CLVS1: variants seen among roughly 807,000 people sequenced by gnomAD.
CLVS1 encodes clavesin 1, also known as clavesin-1.
Under a neutral mutation model 33.1 loss-of-function variants are expected in CLVS1, and 10 were observed. The observed-to-expected ratio is 0.30, with a 90% CI of 0.19 to 0.51. The LOEUF (loss-of-function observed/expected upper bound fraction) is 0.51, where lower values mean the gene tolerates loss of function less well. CLVS1 is among the 20% of genes least tolerant of loss of function. The probability of loss-of-function intolerance (pLI) is 0.97; values close to 1 mark genes in which losing one functional copy is unlikely to be tolerated. For missense variants in CLVS1, 343 were observed against 433.4 expected (o/e 0.79, Z 1.85); for synonymous variants, 163 against 166.1 (o/e 0.98, Z 0.14).
At chr8:61,043,346 A>G in the CLVS1 span, among the ~76,000 whole-genome samples, 1 of 152,240 alleles carries the variant, frequency 6.6e-6, no homozygotes, top group Non-Finnish European at 1.5e-5. Flanking sequence ...TATCCTGGAA[A>G]GAATGGCAGA....
intron 2 of CLVS1, among the ~76,000 whole-genome samples, chr8:61,203,812 T>A (rs1248220813): frequency 6.6e-6 from 1 of 152,204 alleles, no homozygotes; most frequent in Non-Finnish European, 1.5e-5. Context: ...ATTGCTAGCA[T>A]CTCATATGAG....
At chr8:61,429,915 G>A (rs934402118) in intron 3 of CLVS1, among the ~76,000 whole-genome samples, 3 of 151,970 alleles carry the variant, frequency 2.0e-5, no homozygotes, top group Non-Finnish European at 4.4e-5. Flanking sequence ...CTCTCTTTTG[G>A]CCCTTAAATT....
upstream of CLVS1, among the ~76,000 whole-genome samples, chr8:61,054,934 T>A (rs1399580282): frequency 6.6e-6 from 1 of 152,140 alleles, no homozygotes; most frequent in Admixed American, 6.5e-5. Context: ...TTGGTATAAA[T>A]CCCTTTTGTC....
At chr8:61,279,877 GATTA>G (rs1809635937) in intron 2 of CLVS1, among the ~76,000 whole-genome samples, 1 of 152,086 alleles carries the variant, frequency 6.6e-6, no homozygotes, top group Non-Finnish European at 1.5e-5. Flanking sequence ...CTTTGAAATT[GATTA>G]ATTGTCATTA....
intron 1 of CLVS1, among the ~76,000 whole-genome samples, chr8:61,095,170 C>T (rs1275739726): frequency 6.6e-6 from 1 of 152,192 alleles, no homozygotes; most frequent in Non-Finnish European, 1.5e-5. Flanking sequence ...ACTCGCCCTA[C>T]CTAGTTATCT....
At chr8:61,183,159 G>T (rs1183728208) in intron 2 of CLVS1, among the ~76,000 whole-genome samples, 1 of 150,384 alleles carries the variant, frequency 6.6e-6, no homozygotes, top group Non-Finnish European at 1.5e-5. Context: ...GGGCGGAGGG[G>T]GGCAGGCACA....
At chr8:61,071,922 A>T (rs1804803445) in intron 1 of CLVS1, among the ~76,000 whole-genome samples, 2 of 152,176 alleles carry the variant, frequency 1.3e-5, no homozygotes, top group African/African-American at 4.8e-5. Context: ...TCACACACAC[A>T]CACACAAATC....
intron 2 of CLVS1, among the ~76,000 whole-genome samples, chr8:61,180,052 C>G (rs969729209): frequency 5.3e-5 from 8 of 152,026 alleles, no homozygotes; most frequent in Non-Finnish European, 1.0e-4. Flanking sequence ...AATCCGGGAG[C>G]TGGTTTTTTG....
At chr8:61,189,906 T>C (rs1807432698) in intron 2 of CLVS1, among the ~76,000 whole-genome samples, 1 of 152,058 alleles carries the variant, frequency 6.6e-6, no homozygotes, top group Non-Finnish European at 1.5e-5. Context: ...AGACTTAGAC[T>C]CCCACACAAT....
intron 2 of CLVS1, among the ~76,000 whole-genome samples, chr8:61,336,099 T>G (rs73682257): frequency 0.052 from 7,984 of 152,124 alleles, 544 homozygotes; most frequent in East Asian, 0.18. Flanking sequence ...ATTCCCACTC[T>G]ACGCTGCTAA....
At chr8:60,995,408 A>G in the CLVS1 span, among the ~76,000 whole-genome samples, 1 of 152,210 alleles carries the variant, frequency 6.6e-6, no homozygotes, top group Non-Finnish European at 1.5e-5. Context: ...AACACATGAA[A>G]AAATGCTCAC....
chr8:61,026,652 G>C, the CLVS1 span, among the ~76,000 whole-genome samples: 1 of 152,136 alleles, frequency 6.6e-6, no homozygotes, highest in Non-Finnish European at 1.5e-5. Flanking sequence ...TCTGTGGAGC[G>C]CTACTGCCAT....
chr8:61,023,563 G>A, the CLVS1 span, among the ~76,000 whole-genome samples: 2 of 152,226 alleles, frequency 1.3e-5, no homozygotes, highest in Non-Finnish European at 2.9e-5. Flanking sequence ...GTGCCCAGTA[G>A]TCAATTTCCT....
At chr8:61,333,612 A>G (rs1811678578) in intron 2 of CLVS1, among the ~76,000 whole-genome samples, 1 of 152,222 alleles carries the variant, frequency 6.6e-6, no homozygotes, top group Non-Finnish European at 1.5e-5. Flanking sequence ...AAAGGATTAG[A>G]GCAAGTAGAG....
intron 2 of CLVS1, among the ~76,000 whole-genome samples, chr8:61,343,896 G>A (rs551288817): frequency 3.9e-5 from 6 of 152,134 alleles, no homozygotes; most frequent in Admixed American, 6.5e-5. Context: ...TTAAATCTTA[G>A]TGCTAGGCTA....
At chr8:61,234,204 G>T (rs975363878) in intron 2 of CLVS1, among the ~76,000 whole-genome samples, 1 of 152,152 alleles carries the variant, frequency 6.6e-6, no homozygotes, top group African/African-American at 2.4e-5. Flanking sequence ...TGTGGCCAGG[G>T]GGTAGAGAAT....
At chr8:61,275,515 A>C (rs1809543162) in intron 2 of CLVS1, among the ~76,000 whole-genome samples, 1 of 152,216 alleles carries the variant, frequency 6.6e-6, no homozygotes, top group African/African-American at 2.4e-5. Flanking sequence ...CAAACTAAAA[A>C]TTTAGGTCGT....
intron 1 of CLVS1, among the ~76,000 whole-genome samples, chr8:61,088,487 C>CAGAAAAA (rs1805165390): frequency 9.5e-6 from 1 of 105,326 alleles, no homozygotes; most frequent in African/African-American, 3.1e-5. Flanking sequence ...GAGACTGTCT[C>CAGAAAAA]AAAAAAAAAA....
At chr8:61,474,557 A>G (rs978283300) in intron 5 of CLVS1, among the ~76,000 whole-genome samples, 2 of 152,196 alleles carry the variant, frequency 1.3e-5, no homozygotes, top group African/African-American at 4.8e-5. Context: ...GAACACTAGG[A>G]TATCTCAATG....
Sources: allele counts gnomAD v4.1 joint callset (sites outside exome capture counted in the v4.1 genomes callset), GRCh38; gene constraint gnomAD v4.1.1; transcripts MANE v1.5; gene names NCBI Gene and HGNC (gene_info 2026-07-23, HGNC 2026-07-21).